The following CCDC146 variants were observed in gnomAD, a reference collection of about 807,000 sequenced individuals.
The protein encoded by CCDC146 is coiled-coil domain containing 146.
A neutral mutation model predicts 119.3 loss-of-function variants in CCDC146; 92 were observed. That is an observed-to-expected ratio of 0.77 (90% CI 0.65 to 0.92). The LOEUF is 0.92. Among genes scored for constraint, CCDC146 ranks in the 40% least tolerant of loss-of-function variants. The pLI is 0.00. For synonymous variants in CCDC146, 372 were observed against 371.8 expected (o/e 1.00, Z -0.01); for missense variants, 1,000 against 1,103.0 (o/e 0.91, Z 1.32).
chr7:77,275,061 G>A (rs1296739787), intron 11 of CCDC146, among the ~76,000 whole-genome samples: 1 of 81,616 alleles, frequency 1.2e-5, no homozygotes, highest in Non-Finnish European at 2.3e-5. Context: ...AGAACTGGAA[G>A]GAAACTCAAA....
At chr7:77,209,030 C>G (rs975844136) in intron 2 of CCDC146, among the ~76,000 whole-genome samples, 5 of 152,128 alleles carry the variant, frequency 3.3e-5, no homozygotes, top group African/African-American at 1.2e-4. Context: ...CACCTCCGGC[C>G]CCTCCCAAAT....
chr7:77,289,954 G>A (rs1418700744), intron 17 of CCDC146, among the ~76,000 whole-genome samples: 1 of 152,182 alleles, frequency 6.6e-6, no homozygotes, highest in African/African-American at 2.4e-5. Flanking sequence ...TATGTTTATT[G>A]CCACACTATT....
chr7:77,135,251 G>A (rs1192720873), intron 1 of CCDC146, among the ~76,000 whole-genome samples: 1 of 152,168 alleles, frequency 6.6e-6, no homozygotes, highest in Non-Finnish European at 1.5e-5. Context: ...ACTTTGGGAG[G>A]CCATCGTGGG....
At chr7:77,261,612 G>T (rs1194784083) in intron 8 of CCDC146, among the ~76,000 whole-genome samples, 1 of 152,026 alleles carries the variant, frequency 6.6e-6, no homozygotes. Context: ...CGAGTAGCTG[G>T]GACTACAGGC....
At chr7:77,270,381 T>C (rs991316241) in intron 9 of CCDC146, among the ~76,000 whole-genome samples, 2 of 152,084 alleles carry the variant, frequency 1.3e-5, no homozygotes, top group African/African-American at 4.8e-5. Flanking sequence ...AATAAATACA[T>C]TTTTAAATGT....
chr7:77,136,553 T>C (rs1298413662), intron 1 of CCDC146, among the ~76,000 whole-genome samples: 2 of 152,182 alleles, frequency 1.3e-5, no homozygotes, highest in Admixed American at 6.5e-5. Context: ...TTGAAAGATA[T>C]AACATGCCAA....
intron 2 of CCDC146, among the ~76,000 whole-genome samples, chr7:77,228,021 G>C (rs1012850372): frequency 6.6e-6 from 1 of 152,126 alleles, no homozygotes; most frequent in Non-Finnish European, 1.5e-5. Flanking sequence ...GCTTCACTTT[G>C]TGTCTTCCCT....
In CCDC146 at chr7:77,279,006, C is replaced by G; in HGVS notation, c.1599C>G (p.His533Gln). 6.2e-7 allele frequency: 1 copy of G among 1,612,286 alleles called. No homozygotes were observed. Residue 533 changes from histidine (H) to glutamine (Q), a missense_variant, in exon 13 of 19, where the codon CAC becomes CAG. His to Gln is a conservative substitution (Grantham distance 24, BLOSUM62 0). Coordinates refer to ENST00000285871, the MANE Select transcript of CCDC146 (RefSeq NM_020879.3). The part of the protein sequence containing the change: ...NERNKFVNLL[H>Q]KAHQKVNEIK... Reference sequence around the variant, plus strand: ...GAAACAAATTTGTTAACTTACTCCACAAAGCTCATCAGAAAGTAAATGAAA... The same window carrying G: ...GAAACAAATTTGTTAACTTACTCCAGAAAGCTCATCAGAAAGTAAATGAAA...
intron 1 of CCDC146, among the ~76,000 whole-genome samples, chr7:77,142,494 T>G (rs1031891540): frequency 1.1e-4 from 17 of 151,902 alleles, no homozygotes; most frequent in African/African-American, 4.1e-4. Flanking sequence ...ACATGTGCCA[T>G]GTATACATGT....
chr7:77,267,624 T>G (rs969205615), intron 9 of CCDC146, among the ~76,000 whole-genome samples: 8 of 152,158 alleles, frequency 5.3e-5, no homozygotes, highest in African/African-American at 1.9e-4. Context: ...ATACACGGTA[T>G]TCTCATGTCA....
At chr7:77,228,383 C>G (rs753436318) in intron 2 of CCDC146, among the ~76,000 whole-genome samples, 13 of 152,150 alleles carry the variant, frequency 8.5e-5, no homozygotes, top group Non-Finnish European at 1.8e-4. Flanking sequence ...TCATTTAGCT[C>G]CCACTTATAA....
At chr7:77,157,104 T>G (rs1026355470) in intron 1 of CCDC146, among the ~76,000 whole-genome samples, 7 of 105,920 alleles carry the variant, frequency 6.6e-5, no homozygotes. Flanking sequence ...TGTAGAAACA[T>G]GTTGTAATTA....
chr7:77,234,659 C>T (rs1213615930), intron 2 of CCDC146, among the ~76,000 whole-genome samples: 13 of 151,886 alleles, frequency 8.6e-5, no homozygotes, highest in African/African-American at 2.7e-4. Context: ...TGCTAGAACC[C>T]GGGAGGTAGA....
chr7:77,185,964 A>G lies in CCDC146; in HGVS notation c.156+18140A>G, dbSNP rs115883802. Among the ~76,000 whole-genome samples the G allele has an allele frequency of 9.7e-3, 1,480 of 152,330 alleles. 27 individuals are homozygous for G. Among genetic ancestry groups the G allele is most frequent in the African/African-American group, 0.033 (1,352 of 41,598 alleles). ...GAGATATCATCTCACCCCAGTTTAAATGGCTTTTATCCAAAGGGCAGGCAA... is the reference window on the plus strand; with the variant it reads ...GAGATATCATCTCACCCCAGTTTAAGTGGCTTTTATCCAAAGGGCAGGCAA... On this transcript the variant is annotated intron_variant, in intron 2 of 18. Coordinates refer to ENST00000285871, the MANE Select transcript of CCDC146 (RefSeq NM_020879.3).
chr7:77,165,868 A>G (rs1176193703), intron 1 of CCDC146, among the ~76,000 whole-genome samples: 2 of 152,354 alleles, frequency 1.3e-5, no homozygotes, highest in Admixed American at 6.5e-5. Flanking sequence ...AGAATTCTTC[A>G]AAGAGTTTAA....
At chr7:77,190,635 C>T (rs552640720) in intron 2 of CCDC146, among the ~76,000 whole-genome samples, 2 of 152,166 alleles carry the variant, frequency 1.3e-5, no homozygotes, top group Non-Finnish European at 2.9e-5. Context: ...TTTGGGAATT[C>T]GGGACACTCC....
At chr7:77,160,253 C>A (rs1195158019) in intron 1 of CCDC146, among the ~76,000 whole-genome samples, 1 of 152,124 alleles carries the variant, frequency 6.6e-6, no homozygotes, top group African/African-American at 2.4e-5. Flanking sequence ...GCGATGTGGG[C>A]TCTTTTTTGG....
At chr7:77,285,248 C>G (rs1793828239) in intron 15 of CCDC146, among the ~76,000 whole-genome samples, 1 of 152,062 alleles carries the variant, frequency 6.6e-6, no homozygotes, top group Admixed American at 6.6e-5. Context: ...ATTGAGACAT[C>G]CCTTTATAAG....
At chr7:77,250,684 CA>C (rs1269307711) in intron 4 of CCDC146, among the ~76,000 whole-genome samples, 3 of 152,198 alleles carry the variant, frequency 2.0e-5, no homozygotes, top group Non-Finnish European at 4.4e-5. Context: ...TATTTTCCTG[CA>C]TTAATTTGAA....
Sources: gnomAD v4.1 joint callset for allele counts (sites outside exome capture counted in the v4.1 genomes callset) on GRCh38, gnomAD v4.1.1 for gene constraint, MANE v1.5 for transcripts, NCBI Gene and HGNC (gene_info 2026-07-23, HGNC 2026-07-21) for gene names.